NBEA: variants seen among roughly 807,000 people sequenced by gnomAD.
The protein encoded by NBEA is neurobeachin, also known as lysosomal-trafficking regulator 2.
Under a neutral mutation model 343.4 loss-of-function variants are expected in NBEA, and 44 were observed. The observed-to-expected ratio is 0.13, with a 90% CI of 0.10 to 0.16. The LOEUF (loss-of-function observed/expected upper bound fraction) is 0.16, where lower values mean the gene tolerates loss of function less well. Among genes scored for constraint, NBEA ranks in the 10% least tolerant of loss-of-function variants. The pLI is 1.00. For missense variants in NBEA, 2,555 were observed against 3,631.3 expected, an observed-to-expected ratio of 0.70 and a Z score of 7.62; for synonymous variants, 1,175 against 1,238.7, an observed-to-expected ratio of 0.95 and a Z score of 1.08.
rs78764428 is a variant in NBEA at position 35,325,989 on chromosome 13, T to A, written c.5903+16397T>A. ...GTAGGTGTACAGCTTTATCTCTGGGTTTTTTATCCCCTTCCATTGGTTTGT... is the reference window on the plus strand; with the variant it reads ...GTAGGTGTACAGCTTTATCTCTGGGATTTTTATCCCCTTCCATTGGTTTGT... On this transcript the variant is annotated intron_variant, in intron 36 of 58. Transcript: ENST00000379939. Among the ~76,000 whole-genome samples the A allele has an allele frequency of 2.1e-3, 316 of 152,044 alleles. 2 individuals are homozygous for A. The highest frequency in any genetic ancestry group is 7.4e-3 in the African/African-American group (308 of 41,524).
intron 40 of NBEA, among the ~76,000 whole-genome samples, chr13:35,453,945 T>C (rs2046430806): frequency 6.6e-6 from 1 of 152,236 alleles, no homozygotes; most frequent in Non-Finnish European, 1.5e-5. Context: ...AATCAAATTA[T>C]ATGGCTCCTG....
Position 35,324,276 on chromosome 13 carries a change from A to G in NBEA, c.5903+14684A>G, listed in dbSNP as rs998793584. On this transcript the variant is annotated intron_variant, in intron 36 of 58. Coordinates refer to ENST00000379939, the MANE Select transcript of NBEA (RefSeq NM_001385012.1). ...TGTCATAGATTTTAGCCTATGCAAG[A>G]GTCCCAAAATGCCAGGAGAATTAGA... 2.0e-5 allele frequency among the ~76,000 whole-genome samples: 3 copies of G among 152,260 alleles called. No individual in the cohort carries two copies. In the South Asian group the frequency reaches 6.2e-4, roughly 31 times the overall value.
At chr13:35,050,435 A>C (rs752348329) in intron 6 of NBEA, 40 bp downstream of exon 6, 1 of 1,580,954 alleles carries the variant, frequency 6.3e-7, no homozygotes. Context: ...ACCTGTTATG[A>C]CAGAATTCTT....
chr13:35,352,248 C>G lies in NBEA; in HGVS notation c.6104C>G (p.Thr2035Arg). The change falls in exon 38 of 59, where the codon ACA becomes AGA. Residue 2035 changes from threonine to arginine, a missense_variant. By Grantham distance (71) the Thr-to-Arg change is moderately conservative (BLOSUM62 -1). Coordinates refer to ENST00000379939, the MANE Select transcript of NBEA (RefSeq NM_001385012.1). ...GCTGCTAAACATCGAGATCATGTAA[C>G]AGCAAATCAGCTGAAACAGAAGATT... ...ISAAKHRDHV[T>R]ANQLKQKILN... 1 of 1,564,430 alleles carries G rather than the reference C, an allele frequency of 6.4e-7. No individual in the cohort carries two copies. Among genetic ancestry groups the G allele is most frequent in the African/African-American group, 1.4e-5 (1 of 73,420 alleles).
At chr13:35,226,854 G>C (rs2079421030) in intron 33 of NBEA, among the ~76,000 whole-genome samples, 1 of 151,996 alleles carries the variant, frequency 6.6e-6, no homozygotes, top group Non-Finnish European at 1.5e-5. Context: ...TCCTGCCTCA[G>C]CTTCCTAAGT....
At chr13:35,232,459 T>C in intron 33 of NBEA, 33 bp from the exon 34 acceptor site, 1 of 1,355,254 alleles carries the variant, frequency 7.4e-7, no homozygotes, top group Non-Finnish European at 1.0e-6. Flanking sequence ...TATTGAATTA[T>C]ATTTATTAGT....
chr13:35,025,962 G>T (rs1441619242), intron 1 of NBEA, among the ~76,000 whole-genome samples: 7 of 151,634 alleles, frequency 4.6e-5, no homozygotes, highest in Non-Finnish European at 8.8e-5. Context: ...TTTGCATTTT[G>T]ATTTTTTTTT....
At chr13:35,190,627 A>G (rs1017869841) in intron 30 of NBEA, among the ~76,000 whole-genome samples, 1 of 152,186 alleles carries the variant, frequency 6.6e-6, no homozygotes, top group African/African-American at 2.4e-5. Context: ...GTTCAGGAAA[A>G]TGAATAAACA....
chr13:35,250,108 A>T (rs2031776173), intron 34 of NBEA, among the ~76,000 whole-genome samples: 1 of 152,150 alleles, frequency 6.6e-6, no homozygotes, highest in South Asian at 2.1e-4. Flanking sequence ...TGGGGTATAG[A>T]GTTTCAGTTT....
At chr13:35,265,589 C>T (rs58041355) in intron 34 of NBEA, among the ~76,000 whole-genome samples, 2,243 of 151,694 alleles carry the variant, frequency 0.015, 49 homozygotes, top group African/African-American at 0.051. Flanking sequence ...TTTTTGACAA[C>T]GGTGCCTAAA....
intron 47 of NBEA, among the ~76,000 whole-genome samples, chr13:35,601,082 C>T (rs937280470): frequency 6.6e-6 from 1 of 151,992 alleles, no homozygotes; most frequent in Non-Finnish European, 1.5e-5. Context: ...GATGCTGAGG[C>T]TCAAGAATCG....
At chr13:35,616,290 A>C (rs2082736067) in intron 48 of NBEA, among the ~76,000 whole-genome samples, 1 of 152,230 alleles carries the variant, frequency 6.6e-6, no homozygotes, top group Non-Finnish European at 1.5e-5. Flanking sequence ...TTGACCTGCG[A>C]ACAAAACCAT....
intron 38 of NBEA, among the ~76,000 whole-genome samples, chr13:35,392,441 C>T (rs975600474): frequency 6.6e-6 from 1 of 151,300 alleles, no homozygotes; most frequent in African/African-American, 2.4e-5. Flanking sequence ...GGTGGTAAAA[C>T]CTAACTTGAG....
At chr13:35,089,679 G>T (rs1213922979) in intron 10 of NBEA, among the ~76,000 whole-genome samples, 1 of 131,698 alleles carries the variant, frequency 7.6e-6, no homozygotes, top group African/African-American at 2.9e-5. Context: ...AACAATGATA[G>T]ACTGGATTAA....
intron 26 of NBEA, among the ~76,000 whole-genome samples, chr13:35,172,865 C>A (rs887740581): frequency 4.6e-4 from 70 of 152,130 alleles, no homozygotes; most frequent in African/African-American, 1.6e-3. Flanking sequence ...AAACTCTGTA[C>A]TACTTGTTAC....
chr13:35,604,464 C>T (rs2082198021), intron 47 of NBEA, among the ~76,000 whole-genome samples: 1 of 151,162 alleles, frequency 6.6e-6, no homozygotes, highest in Non-Finnish European at 1.5e-5. Flanking sequence ...TAAAGTTCCA[C>T]AATAGGGCCC....
At chr13:35,560,880 C>T (rs557197659) in intron 44 of NBEA, among the ~76,000 whole-genome samples, 2 of 152,290 alleles carry the variant, frequency 1.3e-5, no homozygotes, top group East Asian at 1.9e-4. Flanking sequence ...ATCCACCATA[C>T]CAGCAGTTCT....
intron 31 of NBEA, among the ~76,000 whole-genome samples, chr13:35,206,176 C>T (rs771570556): frequency 6.6e-6 from 1 of 151,954 alleles, no homozygotes; most frequent in Non-Finnish European, 1.5e-5. Flanking sequence ...TTCTCTCGGT[C>T]TCATAACTTA....
intron 41 of NBEA, among the ~76,000 whole-genome samples, chr13:35,484,553 T>A (rs1446112871): frequency 1.3e-5 from 2 of 151,852 alleles, no homozygotes; most frequent in Non-Finnish European, 2.9e-5. Context: ...GACCTTGTGG[T>A]GATCAGTATT....
Sources: gnomAD v4.1 joint callset for allele counts (sites outside exome capture counted in the v4.1 genomes callset) on GRCh38, gnomAD v4.1.1 for gene constraint, MANE v1.5 for transcripts, NCBI Gene and HGNC (gene_info 2026-07-23, HGNC 2026-07-21) for gene names.